Variants in TENM3 observed in about 807,000 individuals in gnomAD.
TENM3 encodes the protein teneurin-3.
Under a neutral mutation model 255.1 loss-of-function variants are expected in TENM3, and 63 were observed. The observed-to-expected ratio is 0.25, with a 90% CI of 0.20 to 0.30. The LOEUF is 0.30. TENM3 is among the 10% of genes least tolerant of loss of function. The pLI, the probability that TENM3 is intolerant of heterozygous loss-of-function variation, is 1.00. For synonymous variants in TENM3, 1,306 were observed against 1,322.3 expected (o/e 0.99, Z 0.27); for missense variants, 2,929 against 3,461.1 (o/e 0.85, Z 3.86).
chr4:182,233,706 T>G (rs1416715983), intron 1 of TENM3, among the ~76,000 whole-genome samples: 5 of 152,230 alleles, frequency 3.3e-5, no homozygotes, highest in Non-Finnish European at 5.9e-5. Flanking sequence ...TTCCCAACTT[T>G]GGGTAAATTC....
chr4:181,899,595 G>T, the TENM3 span, among the ~76,000 whole-genome samples: 1 of 151,966 alleles, frequency 6.6e-6, no homozygotes, highest in East Asian at 1.9e-4. Context: ...TTGAGACAGA[G>T]TCTCTCTCTG....
chr4:181,619,711 G>A, the TENM3 span, among the ~76,000 whole-genome samples: 1 of 152,072 alleles, frequency 6.6e-6, no homozygotes, highest in South Asian at 2.1e-4. Context: ...TTACAGACAT[G>A]AGCCACTGTA....
Position 182,702,352 on chromosome 4 carries a change from C to T in TENM3, c.2222-11735C>T, listed in dbSNP as rs535927220. On this transcript the variant is annotated intron_variant, in intron 12 of 27. Transcript: ENST00000511685. Reference sequence around the variant, plus strand: ...GGAGGCAGAGTACAAGGGGCTTCTCCTGCTGGTATGGAGCAGAATGGACCC... The same window carrying T: ...GGAGGCAGAGTACAAGGGGCTTCTCTTGCTGGTATGGAGCAGAATGGACCC... Among the ~76,000 whole-genome samples, 3 of 152,280 alleles carry T rather than the reference C, an allele frequency of 2.0e-5. No individual in the cohort carries two copies. The South Asian group carries it at 6.2e-4, about 32-fold the overall frequency.
chr4:181,761,011 CA>C, the TENM3 span, among the ~76,000 whole-genome samples: 2 of 146,780 alleles, frequency 1.4e-5, no homozygotes, highest in Non-Finnish European at 3.0e-5. Flanking sequence ...CACACACACA[CA>C]CCCCGAATAA....
chr4:181,982,478 A>G, the TENM3 span, among the ~76,000 whole-genome samples: 3 of 152,164 alleles, frequency 2.0e-5, no homozygotes, highest in Non-Finnish European at 4.4e-5. Context: ...ATTAGACACA[A>G]GCTACTTCCA....
the TENM3 span, among the ~76,000 whole-genome samples, chr4:181,665,075 T>G: frequency 2.0e-5 from 3 of 152,178 alleles, no homozygotes; most frequent in African/African-American, 7.2e-5. Flanking sequence ...TAGGCTCAGA[T>G]AGATGAAGCT....
At chr4:182,058,122 T>C in the TENM3 span, among the ~76,000 whole-genome samples, 1 of 131,202 alleles carries the variant, frequency 7.6e-6, no homozygotes, top group Admixed American at 9.9e-5. Context: ...TCAAAATAAT[T>C]CCCATATCTT....
At chr4:182,014,081 CGT>C in the TENM3 span, among the ~76,000 whole-genome samples, 2 of 84,966 alleles carry the variant, frequency 2.4e-5, no homozygotes, top group South Asian at 4.0e-4. Context: ...CACATATATA[CGT>C]ATATATACGT....
At chr4:181,956,785 A>G in the TENM3 span, among the ~76,000 whole-genome samples, 1 of 152,230 alleles carries the variant, frequency 6.6e-6, no homozygotes, top group East Asian at 1.9e-4. Flanking sequence ...TGCTATAGGC[A>G]CTTGCTTTAT....
chr4:182,248,986 G>A (rs1009340849), intron 1 of TENM3, among the ~76,000 whole-genome samples: 1 of 152,222 alleles, frequency 6.6e-6, no homozygotes, highest in African/African-American at 2.4e-5. Flanking sequence ...TGTTTACTAT[G>A]TGCCAGACCC....
chr4:182,116,519 G>A, the TENM3 span, among the ~76,000 whole-genome samples: 1 of 152,152 alleles, frequency 6.6e-6, no homozygotes, highest in Non-Finnish European at 1.5e-5. Context: ...GGTTTTATAA[G>A]TGTCTGGCAT....
chr4:181,986,411 G>A, the TENM3 span, among the ~76,000 whole-genome samples: 1 of 152,010 alleles, frequency 6.6e-6, no homozygotes, highest in East Asian at 1.9e-4. Context: ...TCTTCCAAGT[G>A]TTCTGGCTCT....
the TENM3 span, among the ~76,000 whole-genome samples, chr4:181,479,893 G>A: frequency 5.9e-5 from 9 of 152,202 alleles, no homozygotes; most frequent in East Asian, 1.7e-3. Flanking sequence ...GAGAATATTT[G>A]CAAAGTGCTT....
the TENM3 span, among the ~76,000 whole-genome samples, chr4:181,997,837 A>T: frequency 1.2e-4 from 19 of 152,352 alleles, no homozygotes; most frequent in Middle Eastern, 3.4e-3. Flanking sequence ...TTTCAAGTGC[A>T]CAAAAAAGGA....
intron 19 of TENM3, among the ~76,000 whole-genome samples, chr4:182,748,083 C>A (rs984064567): frequency 6.6e-6 from 1 of 152,104 alleles, no homozygotes; most frequent in Non-Finnish European, 1.5e-5. Flanking sequence ...CAAATCCAGC[C>A]TGCACTTACC....
intron 1 of TENM3, among the ~76,000 whole-genome samples, chr4:182,245,664 G>C (rs1300094637): frequency 6.6e-6 from 1 of 152,116 alleles, no homozygotes; most frequent in Non-Finnish European, 1.5e-5. Flanking sequence ...TTTGGAACCA[G>C]TTATCCCAGG....
the TENM3 span, among the ~76,000 whole-genome samples, chr4:182,025,189 C>T: frequency 7.2e-5 from 11 of 151,926 alleles, no homozygotes; most frequent in South Asian, 2.1e-4. Flanking sequence ...CCACCACGCC[C>T]GGCTAATTTT....
the TENM3 span, among the ~76,000 whole-genome samples, chr4:181,786,127 C>A: frequency 4.6e-5 from 7 of 152,180 alleles, no homozygotes; most frequent in East Asian, 9.7e-4. Context: ...AGAAAAATCC[C>A]GTCTAAGAGA....
the TENM3 span, among the ~76,000 whole-genome samples, chr4:181,812,981 C>G: frequency 6.6e-6 from 1 of 152,176 alleles, no homozygotes; most frequent in Admixed American, 6.5e-5. Flanking sequence ...AATGGTCTAC[C>G]TTCCATCTCT....
Sources: allele counts gnomAD v4.1 joint callset (sites outside exome capture counted in the v4.1 genomes callset), GRCh38; gene constraint gnomAD v4.1.1; transcripts MANE v1.5; gene names NCBI Gene and HGNC (gene_info 2026-07-23, HGNC 2026-07-21).